The following ENOX1 variants were observed in gnomAD, a reference collection of about 807,000 sequenced individuals.
ENOX1 encodes the protein candidate growth-related and time keeping constitutive hydroquinone (NADH) oxidase.
ENOX1 carries 42 observed loss-of-function variants against 82.5 expected under a neutral mutation model. The ratio of observed to expected loss-of-function variants is 0.51; its 90% confidence interval spans 0.40 to 0.66. The LOEUF (loss-of-function observed/expected upper bound fraction) is 0.66. ENOX1 is among the 30% of genes least tolerant of loss of function. ENOX1 has a pLI of 0.00. For synonymous variants in ENOX1, 271 were observed against 282.2 expected (o/e 0.96, Z 0.40); for missense variants, 608 against 811.6 (o/e 0.75, Z 3.05).
At chr13:43,696,700 C>T (rs866292182) in intron 1 of ENOX1, among the ~76,000 whole-genome samples, 3 of 151,768 alleles carry the variant, frequency 2.0e-5, no homozygotes, top group Middle Eastern at 3.4e-3. Flanking sequence ...CATGGATGCA[C>T]GCACTTAGAC....
At chr13:43,439,642 C>T (rs2056251367) in intron 3 of ENOX1, among the ~76,000 whole-genome samples, 1 of 145,624 alleles carries the variant, frequency 6.9e-6, no homozygotes, top group Non-Finnish European at 1.5e-5. Context: ...TATTGATGAA[C>T]ATCCCTTCTT....
chr13:43,235,079 C>A lies in ENOX1; in HGVS notation c.1714+1557G>T, dbSNP rs148860171. ...ATAGGGAAAAATCACACCTTGGTCA[C>A]ACTGAGTGACAGAGAAACAGTTGTC... is the stretch of plus-strand genomic sequence containing the variant. On this transcript the variant is annotated intron_variant, in intron 15 of 16. Coordinates refer to ENST00000690772, the MANE Select transcript of ENOX1 (RefSeq NM_001347969.2). 7.2e-5 allele frequency among the ~76,000 whole-genome samples: 11 copies of A among 152,308 alleles called. No homozygotes were observed. The East Asian group carries it at 1.9e-3, about 27-fold the overall frequency.
chr13:43,504,757 T>C (rs1187391579), intron 2 of ENOX1, among the ~76,000 whole-genome samples: 1 of 151,528 alleles, frequency 6.6e-6, no homozygotes, highest in East Asian at 1.9e-4. Flanking sequence ...GTGCCTATAG[T>C]TAATATTTTG....
At chr13:43,467,242 C>T (rs1998474) in intron 3 of ENOX1, among the ~76,000 whole-genome samples, 72,516 of 151,986 alleles carry the variant, frequency 0.48, 17,760 homozygotes, top group African/African-American at 0.53. Context: ...TGCATGAAGG[C>T]TCCAAATTTA....
chr13:43,304,121 T>C (rs2046734527), intron 11 of ENOX1, among the ~76,000 whole-genome samples: 1 of 152,208 alleles, frequency 6.6e-6, no homozygotes, highest in African/African-American at 2.4e-5. Flanking sequence ...TGAGCTCAGC[T>C]TGCCCCGTGC....
chr13:43,552,596 C>G (rs1404484496), intron 2 of ENOX1, among the ~76,000 whole-genome samples: 1 of 152,116 alleles, frequency 6.6e-6, no homozygotes, highest in African/African-American at 2.4e-5. Context: ...GTTCTTCCCC[C>G]TCTCATTTGT....
chr13:43,338,249 A>G (rs191235984), intron 9 of ENOX1, among the ~76,000 whole-genome samples: 4 of 152,362 alleles, frequency 2.6e-5, no homozygotes, highest in African/African-American at 4.8e-5. Flanking sequence ...ACGAGCTTTG[A>G]AATGACAAGC....
chr13:43,214,235 G>T, intron 16 of ENOX1, 114 bp from the exon 17 acceptor site: 2 of 1,015,758 alleles, frequency 2.0e-6, no homozygotes, highest in Non-Finnish European at 2.9e-6. Context: ...TTTTCTACTG[G>T]GCTGTCAGGG....
chr13:43,415,976 A>AT (rs2054471033), intron 3 of ENOX1, among the ~76,000 whole-genome samples: 1 of 14,778 alleles, frequency 6.8e-5, no homozygotes, highest in Admixed American at 8.2e-4. Context: ...CACCCCAGAC[A>AT]GGGCGGCCAG....
chr13:43,728,912 T>C (rs2089155861), intron 1 of ENOX1, among the ~76,000 whole-genome samples: 1 of 152,230 alleles, frequency 6.6e-6, no homozygotes, highest in African/African-American at 2.4e-5. Context: ...AAAGTATCAT[T>C]AAGAATCTGA....
At chr13:43,781,786 C>A (rs1431962505) in intron 1 of ENOX1, among the ~76,000 whole-genome samples, 2 of 152,200 alleles carry the variant, frequency 1.3e-5, no homozygotes, top group Admixed American at 6.5e-5. Context: ...GCTGGGATTA[C>A]AGGCGTGAGC....
intron 2 of ENOX1, among the ~76,000 whole-genome samples, chr13:43,636,882 G>T (rs532042652): frequency 6.6e-6 from 1 of 152,156 alleles, no homozygotes; most frequent in African/African-American, 2.4e-5. Flanking sequence ...GCAGGCAAGC[G>T]CATATTCTAT....
chr13:43,277,947 C>T (rs974317361), intron 12 of ENOX1, among the ~76,000 whole-genome samples: 1 of 152,130 alleles, frequency 6.6e-6, no homozygotes, highest in South Asian at 2.1e-4. Flanking sequence ...AAGTCTGCAG[C>T]AAGTGGCGGG....
At chr13:43,318,057 A>C (rs1332627126) in intron 11 of ENOX1, among the ~76,000 whole-genome samples, 2 of 152,126 alleles carry the variant, frequency 1.3e-5, no homozygotes, top group Non-Finnish European at 2.9e-5. Flanking sequence ...TTCATGAAAA[A>C]TTGACAGCTC....
chr13:43,247,448 C>T (rs2043139207), intron 14 of ENOX1, among the ~76,000 whole-genome samples: 1 of 152,134 alleles, frequency 6.6e-6, no homozygotes, highest in African/African-American at 2.4e-5. Context: ...CCTTTCCCAG[C>T]AGCCTTCCAT....
intron 3 of ENOX1, among the ~76,000 whole-genome samples, chr13:43,431,050 AT>A (rs1187432364): frequency 6.6e-6 from 1 of 150,672 alleles, no homozygotes; most frequent in Admixed American, 6.6e-5. Flanking sequence ...TAAAAAAAAA[AT>A]CTAATAGTGT....
At chr13:43,473,234 A>G (rs956322104) in intron 3 of ENOX1, among the ~76,000 whole-genome samples, 8 of 152,176 alleles carry the variant, frequency 5.3e-5, no homozygotes, top group African/African-American at 1.7e-4. Context: ...TGTTGAATAT[A>G]TATTCTTGTG....
At chr13:43,506,987 A>T (rs533950945) in intron 2 of ENOX1, among the ~76,000 whole-genome samples, 179 of 8,756 alleles carry the variant, frequency 0.02, no homozygotes, top group African/African-American at 0.095. Flanking sequence ...AAAGTATAAT[A>T]AAAAAAAACC....
chr13:43,536,157 C>G (rs1454779526), intron 2 of ENOX1, among the ~76,000 whole-genome samples: 1 of 152,124 alleles, frequency 6.6e-6, no homozygotes, highest in Non-Finnish European at 1.5e-5. Flanking sequence ...AATGTAAAAA[C>G]ACTGTGGAAA....
Sources: allele counts gnomAD v4.1 joint callset (sites outside exome capture counted in the v4.1 genomes callset), GRCh38; gene constraint gnomAD v4.1.1; transcripts MANE v1.5; gene names NCBI Gene and HGNC (gene_info 2026-07-23, HGNC 2026-07-21).